The following AGTPBP1 variants were observed in gnomAD, a reference collection of about 807,000 sequenced individuals.
AGTPBP1 encodes the protein cytosolic carboxypeptidase 1.
A neutral mutation model predicts 143.9 loss-of-function variants in AGTPBP1; 70 were observed. The observed-to-expected ratio is 0.49, with a 90% CI of 0.40 to 0.59. The LOEUF is 0.59. Among genes scored for constraint, AGTPBP1 ranks in the 20% least tolerant of loss-of-function variants. The pLI, the probability that AGTPBP1 is intolerant of heterozygous loss-of-function variation, is 0.00. For synonymous variants in AGTPBP1, 463 were observed against 500.2 expected (o/e 0.93, Z 0.99); for missense variants, 1,229 against 1,464.5 (o/e 0.84, Z 2.62).
At chr9:85,801,975 C>T in the AGTPBP1 span, among the ~76,000 whole-genome samples, 1 of 152,142 alleles carries the variant, frequency 6.6e-6, no homozygotes, top group East Asian at 1.9e-4. Context: ...ATATATATAA[C>T]TATGTGGATG....
intron 25 of AGTPBP1, 39 bp downstream of exon 25, chr9:85,575,276 T>C (rs1340928807): frequency 4.7e-6 from 7 of 1,488,702 alleles, no homozygotes; most frequent in Non-Finnish European, 6.3e-6. Flanking sequence ...TCTAATAATA[T>C]ACTACAATAT....
At chr9:85,645,917 A>T (rs1444030528) in intron 12 of AGTPBP1, among the ~76,000 whole-genome samples, 1 of 152,144 alleles carries the variant, frequency 6.6e-6, no homozygotes, top group Non-Finnish European at 1.5e-5. Flanking sequence ...CATTATGCAA[A>T]CACTAATTCT....
At chr9:85,557,753 T>C (rs957107509) in intron 25 of AGTPBP1, among the ~76,000 whole-genome samples, 2 of 152,092 alleles carry the variant, frequency 1.3e-5, no homozygotes, top group South Asian at 4.1e-4. Flanking sequence ...GAAGACAGAG[T>C]TCCTATATAT....
chr9:85,741,275 T>G (rs1824244917), intron 1 of AGTPBP1: 20 of 985,240 alleles, frequency 2.0e-5, no homozygotes, highest in Non-Finnish European at 2.4e-5. Flanking sequence ...AATCCCACCT[T>G]GCTGGCGCTC....
intron 25 of AGTPBP1, among the ~76,000 whole-genome samples, chr9:85,557,393 T>C (rs1222381224): frequency 1.3e-5 from 2 of 152,178 alleles, no homozygotes; most frequent in African/African-American, 4.8e-5. Context: ...CAAATACAAA[T>C]GGAGCACTTT....
intron 18 of AGTPBP1, 100 bp downstream of exon 18, chr9:85,596,262 T>A: frequency 1.3e-6 from 1 of 757,820 alleles, no homozygotes; most frequent in Non-Finnish European, 2.1e-6. Context: ...ATTCAAAGTA[T>A]GCAATAATAA....
At chr9:85,783,223 A>G in the AGTPBP1 span, among the ~76,000 whole-genome samples, 1 of 152,256 alleles carries the variant, frequency 6.6e-6, no homozygotes, top group African/African-American at 2.4e-5. Context: ...CAATTTACCC[A>G]AGGAGTCTAG....
intron 25 of AGTPBP1, among the ~76,000 whole-genome samples, chr9:85,573,072 C>A (rs1321237703): frequency 6.6e-6 from 1 of 151,518 alleles, no homozygotes; most frequent in Non-Finnish European, 1.5e-5. Flanking sequence ...CATGAACTCC[C>A]TCTCCCTCTC....
the AGTPBP1 span, among the ~76,000 whole-genome samples, chr9:85,758,077 C>T: frequency 6.6e-6 from 1 of 152,068 alleles, no homozygotes; most frequent in Admixed American, 6.6e-5. Flanking sequence ...TTGGAAGCCC[C>T]CACTTAAATA....
chr9:85,668,635 C>T (rs935665219), intron 8 of AGTPBP1, among the ~76,000 whole-genome samples: 13 of 151,714 alleles, frequency 8.6e-5, no homozygotes, highest in African/African-American at 1.2e-4. Flanking sequence ...AATACACACA[C>T]ATTTATGTAT....
At chr9:85,593,733 G>A (rs1385870880) in intron 18 of AGTPBP1, among the ~76,000 whole-genome samples, 2 of 152,120 alleles carry the variant, frequency 1.3e-5, no homozygotes, top group Non-Finnish European at 2.9e-5. Context: ...TGTTGATACT[G>A]GGTGATGAAT....
chr9:85,651,922 T>A (rs1365143383), intron 11 of AGTPBP1, among the ~76,000 whole-genome samples: 1 of 152,242 alleles, frequency 6.6e-6, no homozygotes, highest in Admixed American at 6.5e-5. Flanking sequence ...GATATATATT[T>A]GATCTTTGTC....
chr9:85,664,253 A>G (rs1287875838), intron 8 of AGTPBP1, among the ~76,000 whole-genome samples: 4 of 152,122 alleles, frequency 2.6e-5, no homozygotes, highest in African/African-American at 9.7e-5. Context: ...ATAGTTTTTC[A>G]CAGGTTTAGC....
chr9:85,655,043 G>T, intron 11 of AGTPBP1, 100 bp downstream of exon 11: 1 of 1,033,138 alleles, frequency 9.7e-7, no homozygotes, highest in Middle Eastern at 2.5e-4. Context: ...GTTAAGTAAG[G>T]CCTTCCTTTG....
rs994472904 is a variant in AGTPBP1, at chr9:85,614,168, A to T, written c.2335+4815T>A. On this transcript the variant is annotated intron_variant, in intron 17 of 25. Transcript: ENST00000357081. The stretch of plus-strand genomic sequence containing the variant: ...GTTAAAATAAAATACAAGGATGCCC[A>T]GTGTACCCCTTTAATTTAAACATTG... Among the ~76,000 whole-genome samples, 3 of 151,992 alleles carry T rather than the reference A, an allele frequency of 2.0e-5. No individual in the cohort carries two copies. The East Asian group carries it at 5.8e-4, about 29-fold the overall frequency.
chr9:85,628,203 G>T (rs1248506514), intron 14 of AGTPBP1, among the ~76,000 whole-genome samples: 1 of 152,124 alleles, frequency 6.6e-6, no homozygotes, highest in African/African-American at 2.4e-5. Flanking sequence ...TAAGTAATAT[G>T]AATAGAATCA....
In AGTPBP1 at chr9:85,650,042, CTTTTTT is replaced by C. The variant is rs35903806; in HGVS notation, c.1088-3630_1088-3625del. Among the ~76,000 whole-genome samples the C allele has an allele frequency of 1.8e-3, 192 of 109,220 alleles. 1 individual carries two copies. The highest frequency in any genetic ancestry group is 6.1e-3 in the African/African-American group (174 of 28,502). 71.7% of individuals were successfully genotyped at this position (109,220 alleles called of 152,430 possible). On this transcript the variant is annotated intron_variant, in intron 11 of 25. Transcript: ENST00000357081. Reference sequence around the variant, plus strand: ...GCATCATGCTAGCTTCTAAACTTTCCTTTTTTTTTTTTTTTTTTTTTCTTGCTCTGG... The same window carrying C: ...GCATCATGCTAGCTTCTAAACTTTCCTTTTTTTTTTTTTTTCTTGCTCTGG...
the AGTPBP1 span, among the ~76,000 whole-genome samples, chr9:85,771,714 G>A: frequency 8.6e-5 from 13 of 150,492 alleles, no homozygotes; most frequent in South Asian, 2.1e-3. Context: ...GTGCAGTGGC[G>A]TGATCTCGGC....
intron 25 of AGTPBP1, among the ~76,000 whole-genome samples, chr9:85,561,187 C>T (rs868096387): frequency 2.0e-5 from 3 of 152,026 alleles, no homozygotes; most frequent in African/African-American, 2.4e-5. Flanking sequence ...TATGGTGAAA[C>T]CCCGTTTCTA....
Sources: allele counts gnomAD v4.1 joint callset (sites outside exome capture counted in the v4.1 genomes callset), GRCh38; gene constraint gnomAD v4.1.1; transcripts MANE v1.5; gene names NCBI Gene and HGNC (gene_info 2026-07-23, HGNC 2026-07-21).